The following CMSS1 variants were observed in gnomAD, a reference collection of about 807,000 sequenced individuals.
CMSS1 encodes the protein protein CMSS1.
In CMSS1, 33 loss-of-function variants were observed where a neutral mutation model predicts 43.5. That is an observed-to-expected ratio of 0.76 (90% CI 0.57 to 1.01). The LOEUF (loss-of-function observed/expected upper bound fraction) is 1.01, where lower values mean the gene tolerates loss of function less well. Among genes scored for constraint, CMSS1 ranks in the 50% least tolerant of loss-of-function variants. The pLI is 0.00. For missense variants in CMSS1, 313 were observed against 326.4 expected (o/e 0.96, Z 0.32); for synonymous variants, 115 against 117.2 (o/e 0.98, Z 0.12).
chr3:100,081,862 G>T (rs1371809829), intron 1 of CMSS1, among the ~76,000 whole-genome samples: 1 of 152,092 alleles, frequency 6.6e-6, no homozygotes, highest in Non-Finnish European at 1.5e-5. Flanking sequence ...AGCATCCTTG[G>T]CCTCTACCAT....
chr3:100,007,554 T>C (rs1049935282), intron 1 of CMSS1, among the ~76,000 whole-genome samples: 2 of 151,728 alleles, frequency 1.3e-5, no homozygotes, highest in African/African-American at 4.8e-5. Context: ...AAGAAGAGAG[T>C]CAGGGACAAA....
At chr3:99,951,380 G>C (rs184364093) in intron 1 of CMSS1, among the ~76,000 whole-genome samples, 3 of 152,180 alleles carry the variant, frequency 2.0e-5, no homozygotes, top group Non-Finnish European at 2.9e-5. Context: ...ACAGGACGTG[G>C]TCTGTTTGCT....
chr3:100,115,123 T>G, intron 1 of CMSS1: 1 of 661,916 alleles, frequency 1.5e-6, no homozygotes, highest in Non-Finnish European at 2.7e-6. Flanking sequence ...CTTGTTCAGA[T>G]TGAGGGGTTG....
rs10629410 is a variant in CMSS1 at position 99,929,513 on chromosome 3, A to AGTGTGTGT, written c.64+111491_64+111498dup. On this transcript the variant is annotated intron_variant, in intron 1 of 9. Transcript: ENST00000421999. ...GCCTGGGTACCCTGCAAGTTCCCAG[A>AGTGTGTGT]GTGTGTGTGTGTGTGTGTGTGTGTG... Among the ~76,000 whole-genome samples, 532 of 148,278 alleles carry AGTGTGTGT rather than the reference A, an allele frequency of 3.6e-3. 2 individuals carry two copies. Among genetic ancestry groups the AGTGTGTGT allele is most frequent in the South Asian group, 9.5e-3 (44 of 4,632 alleles).
At chr3:99,833,914 G>T (rs1942789550) in intron 1 of CMSS1, among the ~76,000 whole-genome samples, 1 of 152,258 alleles carries the variant, frequency 6.6e-6, no homozygotes, top group South Asian at 2.1e-4. Flanking sequence ...TTTTATCTCA[G>T]TGTTTAATGG....
intron 9 of CMSS1, among the ~76,000 whole-genome samples, chr3:100,176,989 A>G (rs1232503250): frequency 6.6e-6 from 1 of 152,208 alleles, no homozygotes; most frequent in Non-Finnish European, 1.5e-5. Context: ...TATCATCATA[A>G]TGTGAAAAAA....
At chr3:100,041,848 A>G (rs1243305896) in intron 1 of CMSS1, among the ~76,000 whole-genome samples, 2 of 152,156 alleles carry the variant, frequency 1.3e-5, no homozygotes, top group Non-Finnish European at 2.9e-5. Flanking sequence ...TTCTTTCAAC[A>G]TGAAAGTATA....
At chr3:99,924,550 C>T in intron 1 of CMSS1, 1 of 819,840 alleles carries the variant, frequency 1.2e-6, no homozygotes. Context: ...ACAGTTTTCG[C>T]TGTCGTTGCC....
At position 100,178,607 on chromosome 3, in the gene CMSS1, T is replaced by G; in HGVS notation, c.*219T>G. ...AGTATCACCGGCTTGTGTATGATCC[T>G]TGTTGAGCGGACCGTGTTTTTCTGT... On this transcript the variant is annotated 3_prime_UTR_variant, in exon 10 of 10. Transcript: ENST00000421999. 1 of 429,840 alleles carries G rather than the reference T, an allele frequency of 2.3e-6. No homozygotes were observed. Among genetic ancestry groups the G allele is most frequent in the Non-Finnish European group, 4.2e-6 (1 of 238,944 alleles). 26.6% of individuals were successfully genotyped at this position (429,840 alleles called of 1,614,324 possible).
chr3:100,175,920 C>G (rs1279955031), intron 8 of CMSS1, among the ~76,000 whole-genome samples: 1 of 152,160 alleles, frequency 6.6e-6, no homozygotes, highest in Non-Finnish European at 1.5e-5. Context: ...CATCTTTCTC[C>G]CCACTCACCT....
chr3:99,843,265 G>C (rs1005062151), intron 1 of CMSS1, among the ~76,000 whole-genome samples: 1 of 152,196 alleles, frequency 6.6e-6, no homozygotes, highest in African/African-American at 2.4e-5. Flanking sequence ...GACCTTGTAG[G>C]TGTCAGACAG....
intron 1 of CMSS1, among the ~76,000 whole-genome samples, chr3:99,838,974 C>T (rs1943014637): frequency 6.6e-6 from 1 of 152,156 alleles, no homozygotes; most frequent in Non-Finnish European, 1.5e-5. Flanking sequence ...CTGCCCCAAC[C>T]ATCTCAACTT....
chr3:100,017,663 A>G (rs988351836), intron 1 of CMSS1, among the ~76,000 whole-genome samples: 1 of 152,096 alleles, frequency 6.6e-6, no homozygotes, highest in South Asian at 2.1e-4. Flanking sequence ...GGTGGCATGC[A>G]CCTGTAGTCC....
At chr3:100,137,148 C>T (rs1413565989) in intron 1 of CMSS1, among the ~76,000 whole-genome samples, 1 of 152,160 alleles carries the variant, frequency 6.6e-6, no homozygotes, top group Non-Finnish European at 1.5e-5. Flanking sequence ...AGTTCCCAGC[C>T]CTGGCCAAAT....
At chr3:100,148,748 A>T (rs1368000217) in intron 2 of CMSS1, among the ~76,000 whole-genome samples, 2 of 152,116 alleles carry the variant, frequency 1.3e-5, no homozygotes, top group Non-Finnish European at 2.9e-5. Context: ...TATATAGTTA[A>T]TAATTATATT....
At chr3:99,926,992 C>T (rs758036685) in intron 1 of CMSS1, among the ~76,000 whole-genome samples, 1 of 152,156 alleles carries the variant, frequency 6.6e-6, no homozygotes, top group Non-Finnish European at 1.5e-5. Context: ...CTCTCCTGTT[C>T]GGGGCCAAAA....
At chr3:100,161,696 C>A (rs1342285005) in intron 3 of CMSS1, among the ~76,000 whole-genome samples, 1 of 152,150 alleles carries the variant, frequency 6.6e-6, no homozygotes, top group Non-Finnish European at 1.5e-5. Flanking sequence ...TCAATACATG[C>A]TACACAAATG....
intron 1 of CMSS1, among the ~76,000 whole-genome samples, chr3:99,900,491 C>T (rs934820229): frequency 1.3e-5 from 2 of 152,120 alleles, no homozygotes; most frequent in African/African-American, 4.8e-5. Context: ...AGATAGAGTG[C>T]GTTCAGGGTG....
At chr3:99,932,154 T>A (rs1707502331) in intron 1 of CMSS1, among the ~76,000 whole-genome samples, 1 of 152,216 alleles carries the variant, frequency 6.6e-6, no homozygotes, top group African/African-American at 2.4e-5. Context: ...TATTATAATG[T>A]ATGTATCTCT....
Sources: gnomAD v4.1 joint callset for allele counts (sites outside exome capture counted in the v4.1 genomes callset) on GRCh38, gnomAD v4.1.1 for gene constraint, MANE v1.5 for transcripts, NCBI Gene and HGNC (gene_info 2026-07-23, HGNC 2026-07-21) for gene names.